Variants in RANBP2 observed in about 807,000 individuals in gnomAD.
The protein encoded by RANBP2 is RAN binding protein 2.
In RANBP2, 57 loss-of-function variants were observed where a neutral mutation model predicts 303.6. That is an observed-to-expected ratio of 0.19 (90% CI 0.15 to 0.23). RANBP2 has a LOEUF of 0.23. RANBP2 is among the 10% of genes least tolerant of loss of function. The probability of loss-of-function intolerance (pLI) is 1.00; values close to 1 mark genes in which losing one functional copy is unlikely to be tolerated. For synonymous variants in RANBP2, 1,167 were observed against 1,301.5 expected, an observed-to-expected ratio of 0.90 and a Z score of 2.23; for missense variants, 3,138 against 3,780.8, an observed-to-expected ratio of 0.83 and a Z score of 4.46.
chr2:109,138,790 C>T, the RANBP2 span, among the ~76,000 whole-genome samples: 6 of 152,190 alleles, frequency 3.9e-5, no homozygotes, highest in Admixed American at 6.5e-5. Context: ...TGGCCCAGAA[C>T]GAGTGATGTT....
At chr2:108,933,446 G>C in the RANBP2 span, among the ~76,000 whole-genome samples, 10 of 152,212 alleles carry the variant, frequency 6.6e-5, no homozygotes, top group African/African-American at 2.4e-4. Context: ...GGACAGACCT[G>C]ACTGGGGTCA....
the RANBP2 span, among the ~76,000 whole-genome samples, chr2:108,838,426 A>G: frequency 6.6e-6 from 1 of 152,190 alleles, no homozygotes; most frequent in Non-Finnish European, 1.5e-5. Context: ...TTGCTATACA[A>G]TTATTTCCAG....
the RANBP2 span, among the ~76,000 whole-genome samples, chr2:108,856,215 ACT>A: frequency 6.6e-6 from 1 of 152,116 alleles, no homozygotes; most frequent in Non-Finnish European, 1.5e-5. Flanking sequence ...TTGTCACAGC[ACT>A]GGCCTGGGTA....
At chr2:109,407,851 G>A in the RANBP2 span, among the ~76,000 whole-genome samples, 1 of 152,184 alleles carries the variant, frequency 6.6e-6, no homozygotes, top group Non-Finnish European at 1.5e-5. Context: ...TTTAAGTGGG[G>A]ACAGAGGACA....
the RANBP2 span, among the ~76,000 whole-genome samples, chr2:109,325,111 G>A: frequency 2.6e-5 from 4 of 152,104 alleles, no homozygotes; most frequent in South Asian, 6.2e-4. Flanking sequence ...AGGCCCAAGA[G>A]GTCAGGGAGG....
At chr2:109,610,541 C>G in the RANBP2 span, among the ~76,000 whole-genome samples, 1 of 151,986 alleles carries the variant, frequency 6.6e-6, no homozygotes, top group Non-Finnish European at 1.5e-5. Context: ...ATGGAGAAAC[C>G]CTGTGTCTAC....
chr2:109,216,163 G>A, the RANBP2 span, among the ~76,000 whole-genome samples: 3 of 152,124 alleles, frequency 2.0e-5, no homozygotes, highest in African/African-American at 2.4e-5. Flanking sequence ...GGAGTGAGTC[G>A]GGAGAGAGAG....
At chr2:108,803,902 A>C in the RANBP2 span, among the ~76,000 whole-genome samples, 1 of 152,236 alleles carries the variant, frequency 6.6e-6, no homozygotes, top group Non-Finnish European at 1.5e-5. Flanking sequence ...AAAAAGTTGG[A>C]CAATGAAAAT....
At chr2:109,247,898 TG>T in the RANBP2 span, among the ~76,000 whole-genome samples, 3 of 152,218 alleles carry the variant, frequency 2.0e-5, no homozygotes, top group Non-Finnish European at 4.4e-5. Flanking sequence ...CTTCATGTGG[TG>T]GACTGAAGGT....
chr2:109,467,681 A>T, the RANBP2 span, among the ~76,000 whole-genome samples: 72 of 152,396 alleles, frequency 4.7e-4, 2 homozygotes, highest in East Asian at 9.4e-3. Flanking sequence ...TTTTAGAGCC[A>T]GAAGAGAGGA....
chr2:109,348,099 C>G, the RANBP2 span: 1 of 1,129,486 alleles, frequency 8.9e-7, no homozygotes, highest in Non-Finnish European at 1.2e-6. Context: ...GACCCAGCCT[C>G]CCTCCCTGTG....
the RANBP2 span, among the ~76,000 whole-genome samples, chr2:108,951,495 G>A: frequency 2.6e-5 from 4 of 152,156 alleles, no homozygotes; most frequent in Non-Finnish European, 5.9e-5. Context: ...ATAAAGCACA[G>A]CTTGATGGGA....
the RANBP2 span, among the ~76,000 whole-genome samples, chr2:109,399,805 G>A: frequency 2.0e-5 from 3 of 152,124 alleles, no homozygotes; most frequent in Non-Finnish European, 4.4e-5. Flanking sequence ...CCCAGTGCCC[G>A]GCAGGGTGAC....
the RANBP2 span, among the ~76,000 whole-genome samples, chr2:108,840,723 T>C: frequency 6.6e-6 from 1 of 152,182 alleles, no homozygotes; most frequent in African/African-American, 2.4e-5. Flanking sequence ...TCATCTCTTT[T>C]GCTAGAAGTT....
the RANBP2 span, among the ~76,000 whole-genome samples, chr2:109,235,814 C>T: frequency 6.6e-6 from 1 of 152,226 alleles, no homozygotes; most frequent in Non-Finnish European, 1.5e-5. Flanking sequence ...GTGCACTCGG[C>T]ACCAGGGTGG....
At chr2:109,242,908 C>T in the RANBP2 span, among the ~76,000 whole-genome samples, 1 of 152,318 alleles carries the variant, frequency 6.6e-6, no homozygotes, top group Non-Finnish European at 1.5e-5. Context: ...CCTCACAGAA[C>T]AGCATTAGGA....
chr2:109,614,712 A>C, the RANBP2 span: 1 of 1,488,488 alleles, frequency 6.7e-7, no homozygotes, highest in Non-Finnish European at 8.9e-7. Flanking sequence ...CGACGGCGCC[A>C]AGTACGTGCA....
At chr2:109,071,010 C>A in the RANBP2 span, among the ~76,000 whole-genome samples, 2 of 152,120 alleles carry the variant, frequency 1.3e-5, no homozygotes, top group African/African-American at 4.8e-5. Context: ...CAAATTAAAC[C>A]TCTTTTCTTT....
the RANBP2 span, among the ~76,000 whole-genome samples, chr2:109,677,870 C>T: frequency 6.6e-6 from 1 of 152,250 alleles, no homozygotes; most frequent in Non-Finnish European, 1.5e-5. Context: ...TGGACTCCCG[C>T]TGAAGGCAGA....
Sources: gnomAD v4.1 joint callset for allele counts (sites outside exome capture counted in the v4.1 genomes callset) on GRCh38, gnomAD v4.1.1 for gene constraint, MANE v1.5 for transcripts, NCBI Gene and HGNC (gene_info 2026-07-23, HGNC 2026-07-21) for gene names.